Variants in MIPOL1 observed in about 807,000 individuals in gnomAD.
MIPOL1 encodes mirror-image polydactyly 1.
A neutral mutation model predicts 60.9 loss-of-function variants in MIPOL1; 57 were observed. That is an observed-to-expected ratio of 0.94 (90% confidence interval 0.76 to 1.17). The LOEUF (loss-of-function observed/expected upper bound fraction) is 1.17. MIPOL1 is among the 50% of genes most tolerant of loss of function. The pLI, the probability that MIPOL1 is intolerant of heterozygous loss-of-function variation, is 0.00. For missense variants in MIPOL1, 551 were observed against 511.6 expected (o/e 1.08, Z -0.74); for synonymous variants, 179 against 168.8 (o/e 1.06, Z -0.47).
chr14:37,534,608 GT>G lies in MIPOL1; in HGVS notation c.1263-12295del, dbSNP rs762642749. ...TACCCTTATGGAGCCTCATGGGCTT[GT>G]TATTGGAATTGAGTTTTCTTGGGAA... On this transcript the variant is annotated intron_variant, in intron 12 of 12. Coordinates refer to ENST00000684589, the MANE Select transcript of MIPOL1 (RefSeq NM_001388067.1). 7.7e-4 allele frequency among the ~76,000 whole-genome samples: 117 copies of G among 152,240 alleles called. 2 individuals carry two copies. The highest frequency in any genetic ancestry group is 7.1e-4 in the Non-Finnish European group (48 of 67,988).
intron 3 of MIPOL1, among the ~76,000 whole-genome samples, chr14:37,259,929 G>T (rs1187508848): frequency 6.6e-6 from 1 of 151,990 alleles, no homozygotes; most frequent in African/African-American, 2.4e-5. Context: ...TGTTTGCAAA[G>T]GTTATTCATA....
At chr14:37,314,218 A>T (rs1033640932) in intron 9 of MIPOL1, among the ~76,000 whole-genome samples, 6 of 152,154 alleles carry the variant, frequency 3.9e-5, no homozygotes, top group Admixed American at 6.6e-5. Flanking sequence ...TTTTTTTATC[A>T]AATATTGTAA....
intron 10 of MIPOL1, among the ~76,000 whole-genome samples, chr14:37,390,143 TA>T (rs2093195924): frequency 6.6e-6 from 1 of 151,752 alleles, no homozygotes; most frequent in African/African-American, 2.4e-5. Context: ...CACTTGAACC[TA>T]GGAGGTGGAG....
intron 9 of MIPOL1, among the ~76,000 whole-genome samples, chr14:37,355,726 T>C (rs12898102): frequency 0.97 from 131,953 of 136,068 alleles, 64,054 homozygotes; most frequent in East Asian, 1. Flanking sequence ...GCATTCTTCA[T>C]GTAGTTCTCG....
At chr14:37,332,630 T>C (rs2089802125) in intron 9 of MIPOL1, among the ~76,000 whole-genome samples, 2 of 152,212 alleles carry the variant, frequency 1.3e-5, no homozygotes, top group African/African-American at 4.8e-5. Context: ...TTTACAATAC[T>C]GAACTGTATT....
At chr14:37,402,165 TCA>T (rs2093495929) in intron 10 of MIPOL1, among the ~76,000 whole-genome samples, 1 of 152,166 alleles carries the variant, frequency 6.6e-6, no homozygotes. Context: ...TGATTATATA[TCA>T]CATGATTTAT....
At chr14:37,385,172 T>C (rs1284682746) in intron 10 of MIPOL1, among the ~76,000 whole-genome samples, 2 of 152,018 alleles carry the variant, frequency 1.3e-5, no homozygotes, top group Non-Finnish European at 2.9e-5. Flanking sequence ...CTGTAAAATA[T>C]GGTGGAAGAG....
chr14:37,443,623 A>C (rs145780113), intron 11 of MIPOL1, among the ~76,000 whole-genome samples: 194 of 152,034 alleles, frequency 1.3e-3, no homozygotes, highest in African/African-American at 4.3e-3. Context: ...ACATTTTCAG[A>C]ACATAAAAGA....
chr14:37,200,386 A>G (rs1965035879), intron 1 of MIPOL1, among the ~76,000 whole-genome samples: 1 of 152,240 alleles, frequency 6.6e-6, no homozygotes, highest in Non-Finnish European at 1.5e-5. Flanking sequence ...TAGAGTTTAT[A>G]TGAGCATTCA....
chr14:37,433,114 G>A (rs2153560267), intron 11 of MIPOL1, among the ~76,000 whole-genome samples: 1 of 152,304 alleles, frequency 6.6e-6, no homozygotes, highest in East Asian at 1.9e-4. Context: ...AGGCTGGAGT[G>A]CAGTGGTGCA....
intron 10 of MIPOL1, among the ~76,000 whole-genome samples, chr14:37,398,249 C>G (rs551945143): frequency 6.6e-6 from 1 of 152,136 alleles, no homozygotes; most frequent in South Asian, 2.1e-4. Flanking sequence ...ACTAGGGGCA[C>G]GGTGGTGGTT....
At chr14:37,221,957 C>CAG (rs36081697) in intron 1 of MIPOL1, among the ~76,000 whole-genome samples, 68,226 of 151,724 alleles carry the variant, frequency 0.45, 17,801 homozygotes, top group African/African-American at 0.73. Context: ...GTCCAAACTC[C>CAG]AGTCTTATTG....
chr14:37,321,267 T>TTCTCATTATTATATATGTG (rs1244780081), intron 9 of MIPOL1, among the ~76,000 whole-genome samples: 2 of 152,042 alleles, frequency 1.3e-5, no homozygotes, highest in East Asian at 3.8e-4. Flanking sequence ...GATATGCCAT[T>TTCTCATTATTATATATGTG]TCTCATTATT....
At chr14:37,302,259 G>GTTTT (rs1244984056) in intron 7 of MIPOL1, among the ~76,000 whole-genome samples, 4 of 58,582 alleles carry the variant, frequency 6.8e-5, no homozygotes, top group African/African-American at 1.4e-4. Context: ...ATTTGGAACT[G>GTTTT]TTGTTTTTTT....
intron 10 of MIPOL1, among the ~76,000 whole-genome samples, chr14:37,391,664 G>T (rs976742579): frequency 6.6e-6 from 1 of 152,042 alleles, no homozygotes; most frequent in Non-Finnish European, 1.5e-5. Flanking sequence ...AAAGTGCTGG[G>T]ATTACAGGCA....
intron 12 of MIPOL1, among the ~76,000 whole-genome samples, chr14:37,508,111 C>T (rs554639321): frequency 3.9e-5 from 6 of 152,128 alleles, no homozygotes; most frequent in South Asian, 2.1e-4. Flanking sequence ...TATAAGACTT[C>T]GTAAGATGGT....
chr14:37,495,735 A>G (rs1476259272), intron 11 of MIPOL1, among the ~76,000 whole-genome samples: 4 of 148,248 alleles, frequency 2.7e-5, no homozygotes, highest in Non-Finnish European at 4.5e-5. Flanking sequence ...GAACTAGTTT[A>G]CAGTCCCACC....
At chr14:37,510,000 CAT>C (rs2095314143) in intron 12 of MIPOL1, among the ~76,000 whole-genome samples, 1 of 151,622 alleles carries the variant, frequency 6.6e-6, no homozygotes. Flanking sequence ...TATAGACACA[CAT>C]AGTTTATATA....
chr14:37,255,316 G>T (rs1404307322), intron 3 of MIPOL1, among the ~76,000 whole-genome samples: 1 of 151,804 alleles, frequency 6.6e-6, no homozygotes, highest in Non-Finnish European at 1.5e-5. Flanking sequence ...ATATACATTG[G>T]TATGTAGACT....
Sources: gnomAD v4.1 joint callset for allele counts (sites outside exome capture counted in the v4.1 genomes callset) on GRCh38, gnomAD v4.1.1 for gene constraint, MANE v1.5 for transcripts, NCBI Gene and HGNC (gene_info 2026-07-23, HGNC 2026-07-21) for gene names.